The following MED16 variants were observed in gnomAD, a reference collection of about 807,000 sequenced individuals.
The protein encoded by MED16 is mediator of RNA polymerase II transcription subunit 16.
In MED16, 81 loss-of-function variants were observed where a neutral mutation model predicts 84.4. The observed-to-expected ratio is 0.96, with a 90% confidence interval of 0.80 to 1.15. MED16 has a LOEUF of 1.15. Ranked by LOEUF, MED16 falls within the 50% of genes most tolerant of loss-of-function variation. The pLI is 0.00. For missense variants in MED16, 1,585 were observed against 1,245.9 expected (o/e 1.27, Z -4.10); for synonymous variants, 897 against 552.2 (o/e 1.62, Z -8.76).
intron 7 of MED16, 152 bp downstream of exon 7, chr19:881,407 A>C (rs2036420614): frequency 1.2e-6 from 1 of 838,374 alleles, no homozygotes; most frequent in Non-Finnish European, 1.7e-6. Flanking sequence ...ACCCATCAGA[A>C]CCCAGAAGGC....
Position 877,277 on chromosome 19 carries a change from TCTGTGTGCGCGCACGCCCGTGTGTGGGC to T in MED16, c.1354-125_1354-98del, listed in dbSNP as rs565834471. ...CCTGGGGCTGCGGCACGTGTGTGGA[TCTGTGTGCGCGCACGCCCGTGTGTGGGC>T]CTGTGTGCGCGCATGTGTCTGTAGC... On this transcript the variant is annotated intron_variant, in intron 8 of 15. Coordinates refer to ENST00000325464, the MANE Select transcript of MED16 (RefSeq NM_005481.3). 9,886 of 1,196,004 alleles carry T rather than the reference TCTGTGTGCGCGCACGCCCGTGTGTGGGC, an allele frequency of 8.3e-3. 58 individuals carry two copies. Among genetic ancestry groups the T allele is most frequent in the Non-Finnish European group, 9.0e-3 (7,679 of 853,104 alleles). 74.1% of individuals were successfully genotyped at this position (1,196,004 alleles called of 1,614,324 possible). A position where few individuals can be genotyped will look rare whatever the true frequency, so the allele number is the denominator to read the frequency against.
intron 10 of MED16, 139 bp downstream of exon 10, chr19:875,105 A>C (rs2036197814): frequency 1.9e-6 from 1 of 526,676 alleles, no homozygotes; most frequent in Admixed American, 3.8e-5. Context: ...CGGAGGCTGC[A>C]GTGAGCTGAG....
chr19:885,632 AG>A, intron 5 of MED16, 137 bp downstream of exon 5: 1 of 1,019,844 alleles, frequency 9.8e-7, no homozygotes, highest in Non-Finnish European at 1.4e-6. Flanking sequence ...TCTCCCCTGG[AG>A]CCCCCGGGAG....
intron 8 of MED16, among the ~76,000 whole-genome samples, chr19:879,293 C>CCCTGGTTGT (rs2036353275): frequency 6.6e-6 from 1 of 151,520 alleles, no homozygotes; most frequent in African/African-American, 2.4e-5. Flanking sequence ...GCTCACCTTC[C>CCCTGGTTGT]CATGGTTGTC....
intron 13 of MED16, among the ~76,000 whole-genome samples, chr19:870,331 C>G (rs1418993518): frequency 6.6e-6 from 1 of 152,086 alleles, no homozygotes; most frequent in African/African-American, 2.4e-5. Context: ...GAGGGCGAGG[C>G]AGGTGGATCA....
In MED16 at chr19:875,321, C is replaced by T. The variant is rs1311219214; in HGVS notation, c.1694G>A (p.Arg565His). Residue 565 changes from arginine (R) to histidine (H), a missense_variant, in exon 10 of 16, where the codon CGC becomes CAC. Coordinates refer to ENST00000325464, the MANE Select transcript of MED16 (RefSeq NM_005481.3). ...AISSTLKSLLRPHFLNTPDKS... is the reference protein window; with the variant it reads ...AISSTLKSLLHPHFLNTPDKS... The stretch of plus-strand genomic sequence containing the variant: ...GTCAGGCGTGTTGAGAAAGTGGGGG[C>T]GCAGCAGCGACTTCAGGGTGGAGCT... 4 of 1,610,506 alleles carry T rather than the reference C, an allele frequency of 2.5e-6. No homozygotes were observed. Among genetic ancestry groups the T allele is most frequent in the Non-Finnish European group, 3.4e-6 (4 of 1,179,760 alleles).
chr19:876,080 C>T (rs1037935613), intron 9 of MED16, among the ~76,000 whole-genome samples: 2 of 152,202 alleles, frequency 1.3e-5, no homozygotes, highest in Non-Finnish European at 2.9e-5. Flanking sequence ...GGGGTTTAGC[C>T]TCGCAGCCCC....
chr19:892,674 A>C (rs1338202207), intron 1 of MED16: 10 of 56,628 alleles, frequency 1.8e-4, no homozygotes, highest in Admixed American at 9.6e-4. Flanking sequence ...CCCCGCACCG[A>C]TAACCCCGCA....
chr19:876,916 C>G (rs1454526532), intron 9 of MED16, 58 bp downstream of exon 9: 1 of 1,496,048 alleles, frequency 6.7e-7, no homozygotes, highest in South Asian at 1.3e-5. Context: ...GCCACGGGGC[C>G]CCCACCTGCC....
In MED16 at chr19:891,154, G is replaced by A. The variant is rs763709655; in HGVS notation, c.-18-5C>T. On this transcript the variant is annotated splice_polypyrimidine_tract_variant and splice_region_variant and intron_variant, in intron 1 of 15. Transcript: ENST00000325464. The stretch of plus-strand genomic sequence containing the variant: ...CATGAGGGCAGTCACCAGCTCCTGC[G>A]GGAGGGAGGTGTGGTGGGACGTCTA... The A allele has an allele frequency of 5.0e-5, 80 of 1,602,628 alleles. No individual in the cohort carries two copies. The highest frequency in any genetic ancestry group is 1.2e-4 in the Admixed American group (7 of 58,952).
chr19:891,555 C>G (rs1484884041), intron 1 of MED16, among the ~76,000 whole-genome samples: 1 of 152,186 alleles, frequency 6.6e-6, no homozygotes, highest in Non-Finnish European at 1.5e-5. Context: ...CGCAGACAGG[C>G]AAGCGGTGGG....
chr19:892,003 T>C (rs2965290), intron 1 of MED16, among the ~76,000 whole-genome samples: 42,490 of 117,420 alleles, frequency 0.36, 8,816 homozygotes, highest in Non-Finnish European at 0.48. Context: ...GGGCTGAGTG[T>C]GACGGGGAAC....
chr19:881,382 G>A (rs1187979501), intron 7 of MED16, among the ~76,000 whole-genome samples, 177 bp downstream of exon 7: 3 of 152,182 alleles, frequency 2.0e-5, no homozygotes, highest in African/African-American at 7.2e-5. Flanking sequence ...GATGAGATCT[G>A]CCTCCTAATT....
In MED16 at chr19:868,057, C is replaced by G; in HGVS notation, c.*44G>C. ...GGGTGAGGCAAGGAAACCGAGGAGA[C>G]GCCCGAGCCGGGTCACCACAAGGTC... is the stretch of plus-strand genomic sequence containing the variant. On this transcript the variant is annotated 3_prime_UTR_variant, in exon 16 of 16. Coordinates refer to ENST00000325464, the MANE Select transcript of MED16 (RefSeq NM_005481.3). 6.4e-7 allele frequency: 1 copy of G among 1,558,760 alleles called. No individual in the cohort carries two copies. Among genetic ancestry groups the G allele is most frequent in the Non-Finnish European group, 8.6e-7 (1 of 1,158,824 alleles).
At position 886,209 on chromosome 19, in the gene MED16, G is replaced by T; in HGVS notation, c.448-8C>A. 1 of 1,500,838 alleles carries T rather than the reference G, an allele frequency of 6.7e-7. No individual in the cohort carries two copies. Among genetic ancestry groups the T allele is most frequent in the Non-Finnish European group, 8.8e-7 (1 of 1,130,112 alleles). The allele number at this position is 1,500,838 out of a possible 1,614,324, so 93.0% of individuals were successfully genotyped here. A position where few individuals can be genotyped will look rare whatever the true frequency, so the allele number is the denominator to read the frequency against. ...GAAGCTGGAGGCGCCCGACTGTGGAGAAGGGAGGGAGGGAGGAGGGGCCGC... is the reference window on the plus strand; with the variant it reads ...GAAGCTGGAGGCGCCCGACTGTGGATAAGGGAGGGAGGGAGGAGGGGCCGC... On this transcript the variant is annotated splice_polypyrimidine_tract_variant and splice_region_variant and intron_variant, in intron 4 of 15. Coordinates refer to ENST00000325464, the MANE Select transcript of MED16 (RefSeq NM_005481.3).
At chr19:880,835 G>A (rs1462829838) in intron 7 of MED16, among the ~76,000 whole-genome samples, 1 of 151,350 alleles carries the variant, frequency 6.6e-6, no homozygotes, top group Non-Finnish European at 1.5e-5. Flanking sequence ...GCAGGAAGGA[G>A]AATCGCTTGA....
rs1349943161 is a variant in MED16, at chr19:880,097, G to A, written c.1193C>T (p.Ser398Leu). 3 of 1,610,776 alleles carry A rather than the reference G, an allele frequency of 1.9e-6. No individual in the cohort carries two copies. The highest frequency in any genetic ancestry group is 2.5e-6 in the Non-Finnish European group (3 of 1,179,414). Residue 398 changes from serine to leucine, a missense_variant, in exon 8 of 16, where the codon TCA becomes TTA. Physicochemically the swap from Ser to Leu is moderately radical, Grantham distance 145. Coordinates refer to ENST00000325464, the MANE Select transcript of MED16 (RefSeq NM_005481.3). ...GTAGAAGACGGCCATGGTCTGCAGT[G>A]AGAGCCGGTGCACGATGTGGACGCT... The part of the protein sequence containing the change: ...DGSVHIVHRL[S>L]LQTMAVFYSS...
rs781564163 is a variant in MED16 at position 886,200 on chromosome 19, G to T, written c.449C>A (p.Ser150Ter). ...CTTCTCCCCGAAGCTGGAGGCGCCC[G>T]ACTGTGGAGAAGGGAGGGAGGGAGG... ...GVKLALHVEK[S>*]GASSFGEKFS... The change falls in exon 5 of 16, where the codon TCG (serine) becomes TAG (stop). Residue 150 changes from serine (S) to a stop codon, truncating the protein, a stop_gained and splice_region_variant. Coordinates refer to ENST00000325464, the MANE Select transcript of MED16 (RefSeq NM_005481.3). LOFTEE classifies it high-confidence loss of function. 1 of 1,506,962 alleles carries T rather than the reference G, an allele frequency of 6.6e-7. No individual in the cohort carries two copies. Among genetic ancestry groups the T allele is most frequent in the East Asian group, 2.3e-5 (1 of 43,188 alleles). 93.3% of individuals were successfully genotyped at this position (1,506,962 alleles called of 1,614,324 possible). A position where few individuals can be genotyped will look rare whatever the true frequency, so the allele number is the denominator to read the frequency against.
rs999225754 is a variant in MED16, at chr19:884,292, T to C, written c.985+611A>G. ...CCCGGTCATAGCAGGCGGGCGTCCC[T>C]GCTTCGCTCCAGCCCCAGGATTTTG... On this transcript the variant is annotated intron_variant, in intron 6 of 15. Transcript: ENST00000325464. 4.6e-5 allele frequency among the ~76,000 whole-genome samples: 7 copies of C among 152,242 alleles called. No individual in the cohort carries two copies. In the East Asian group the frequency reaches 1.4e-3, roughly 29 times the overall value.
Sources: gnomAD v4.1 joint callset for allele counts (sites outside exome capture counted in the v4.1 genomes callset) on GRCh38, gnomAD v4.1.1 for gene constraint, MANE v1.5 for transcripts, NCBI Gene and HGNC (gene_info 2026-07-23, HGNC 2026-07-21) for gene names.